The following MAPKAP1 variants were observed in gnomAD, a reference collection of about 807,000 sequenced individuals.
MAPKAP1 encodes the protein target of rapamycin complex 2 subunit MAPKAP1.
Under a neutral mutation model 65.7 loss-of-function variants are expected in MAPKAP1, and 20 were observed. That is an observed-to-expected ratio of 0.30 (90% CI 0.21 to 0.44). MAPKAP1 has a LOEUF of 0.44. Ranked by LOEUF, MAPKAP1 falls within the 20% of genes least tolerant of loss-of-function variation. MAPKAP1 has a pLI of 1.00. For missense variants in MAPKAP1, 423 were observed against 648.0 expected (o/e 0.65, Z 3.77); for synonymous variants, 222 against 244.3 (o/e 0.91, Z 0.85).
At chr9:125,688,623 G>A (rs1192141445) in intron 1 of MAPKAP1, among the ~76,000 whole-genome samples, 1 of 152,142 alleles carries the variant, frequency 6.6e-6, no homozygotes, top group Non-Finnish European at 1.5e-5. Flanking sequence ...CACTTTGGGA[G>A]GCAGAGATGG....
chr9:125,640,705 T>C (rs904709636), intron 4 of MAPKAP1, among the ~76,000 whole-genome samples: 1 of 152,208 alleles, frequency 6.6e-6, no homozygotes, highest in African/African-American at 2.4e-5. Context: ...AAAGGTAAGA[T>C]GATGCAGTCA....
At chr9:125,453,633 C>CT (rs1853047510) in intron 10 of MAPKAP1, among the ~76,000 whole-genome samples, 1 of 152,154 alleles carries the variant, frequency 6.6e-6, no homozygotes, top group Admixed American at 6.5e-5. Flanking sequence ...CATTAATAAA[C>CT]TTTTTTGTAT....
intron 7 of MAPKAP1, among the ~76,000 whole-genome samples, chr9:125,519,003 A>T (rs1379079026): frequency 6.6e-6 from 1 of 152,196 alleles, no homozygotes; most frequent in Non-Finnish European, 1.5e-5. Flanking sequence ...CATTATAAGT[A>T]TTACATTTAT....
intron 8 of MAPKAP1, among the ~76,000 whole-genome samples, chr9:125,492,175 T>C (rs1589233597): frequency 6.6e-6 from 1 of 152,160 alleles, no homozygotes; most frequent in Admixed American, 6.5e-5. Flanking sequence ...CACTCCATCC[T>C]GGGCGAGACC....
intron 10 of MAPKAP1, among the ~76,000 whole-genome samples, chr9:125,458,862 C>A: frequency 5.1e-5 from 2 of 39,586 alleles, no homozygotes; most frequent in African/African-American, 1.2e-4. Context: ...CCCCCTACCT[C>A]CCTCCCGGAC....
chr9:125,480,445 C>A (rs1854266122), intron 9 of MAPKAP1, among the ~76,000 whole-genome samples: 1 of 152,142 alleles, frequency 6.6e-6, no homozygotes, highest in Non-Finnish European at 1.5e-5. Flanking sequence ...GACGCCCCAG[C>A]CTCCAGTCGC....
intron 4 of MAPKAP1, among the ~76,000 whole-genome samples, chr9:125,656,927 A>C (rs1483185512): frequency 1.3e-5 from 2 of 152,148 alleles, no homozygotes; most frequent in Non-Finnish European, 2.9e-5. Flanking sequence ...AAGGAAAACA[A>C]ACACACTTTA....
chr9:125,506,989 T>C (rs1171827331), intron 7 of MAPKAP1, among the ~76,000 whole-genome samples: 1 of 152,206 alleles, frequency 6.6e-6, no homozygotes, highest in Non-Finnish European at 1.5e-5. Context: ...CTGGCATTCA[T>C]ATGTGGAAAA....
At position 125,698,312 on chromosome 9, in the gene MAPKAP1, TATATATATATATATATATATATATAA is replaced by T. The variant is rs1564622529; in HGVS notation, c.-70+8633_-70+8658del. On this transcript the variant is annotated intron_variant, in intron 1 of 11. Transcript: ENST00000265960. ...AAATATATATATATATATATATATA[TATATATATATATATATATATATATAA>T]AATATATATATTTTTTGAGATGGAG... 1.1e-3 allele frequency among the ~76,000 whole-genome samples: 49 copies of T among 46,492 alleles called. 4 individuals are homozygous for T. The South Asian group carries it at 0.024, about 22-fold the overall frequency. The allele number at this position is 46,492 out of a possible 152,430, so 30.5% of individuals were successfully genotyped here. A position where few individuals can be genotyped will look rare whatever the true frequency, so the allele number is the denominator to read the frequency against.
chr9:125,456,680 T>C (rs889164574), intron 10 of MAPKAP1, among the ~76,000 whole-genome samples: 4 of 152,232 alleles, frequency 2.6e-5, no homozygotes, highest in Non-Finnish European at 4.4e-5. Flanking sequence ...AAGCTTCTCT[T>C]TGGAGAACTG....
intron 7 of MAPKAP1, among the ~76,000 whole-genome samples, chr9:125,526,309 G>T (rs1829765958): frequency 6.6e-6 from 1 of 152,196 alleles, no homozygotes. Flanking sequence ...AATTTAGAAA[G>T]AAGTAAGAAT....
intron 4 of MAPKAP1, among the ~76,000 whole-genome samples, chr9:125,647,644 A>T (rs1833767033): frequency 6.6e-6 from 1 of 152,188 alleles, no homozygotes; most frequent in Admixed American, 6.5e-5. Context: ...CATTCATGTA[A>T]AGTATAGTTT....
rs138643906 is a variant in MAPKAP1 at position 125,680,775 on chromosome 9, G to C, written c.-69-8132C>G. ...AAGTTTACTTACAAACTTCAGCAGA[G>C]GAGCTGTGTCATATACATAGGGAAC... On this transcript the variant is annotated intron_variant, in intron 1 of 11. Transcript: ENST00000265960. Among the ~76,000 whole-genome samples the C allele has an allele frequency of 5.7e-4, 87 of 152,276 alleles. 2 individuals are homozygous for C. The East Asian group carries it at 0.015, about 27-fold the overall frequency.
chr9:125,528,452 G>A lies in MAPKAP1; in HGVS notation c.958+14607C>T, dbSNP rs570104009. Among the ~76,000 whole-genome samples the A allele has an allele frequency of 3.9e-5, 6 of 152,328 alleles. No homozygotes were observed. The South Asian group carries it at 8.3e-4, about 21-fold the overall frequency. On this transcript the variant is annotated intron_variant, in intron 7 of 11. Transcript: ENST00000265960. ...GCCCAATTAGGAGATGCGTGGAAACGAGTGGAAAGAATGAAGTTATGCCTG... is the reference window on the plus strand; with the variant it reads ...GCCCAATTAGGAGATGCGTGGAAACAAGTGGAAAGAATGAAGTTATGCCTG...
intron 4 of MAPKAP1, among the ~76,000 whole-genome samples, chr9:125,590,796 AAC>A (rs1272048576): frequency 6.6e-6 from 1 of 151,532 alleles, no homozygotes; most frequent in Non-Finnish European, 1.5e-5. Context: ...TTTTTTTTTA[AAC>A]AGTCTCGCTC....
At position 125,623,029 on chromosome 9, in the gene MAPKAP1, C is replaced by G. The variant is rs376072462; in HGVS notation, c.498+34622G>C. On this transcript the variant is annotated intron_variant, in intron 4 of 11. Transcript: ENST00000265960. ...GCCGGGCCGGTCTCCAGCCCCTAAC[C>G]GCGAGTGATCCGCCAACCTCGGCCT... 2.0e-5 allele frequency among the ~76,000 whole-genome samples: 3 copies of G among 151,744 alleles called. No individual in the cohort carries two copies. The East Asian group carries it at 6.0e-4, about 30-fold the overall frequency.
At chr9:125,693,685 A>G (rs1835268562) in intron 1 of MAPKAP1, among the ~76,000 whole-genome samples, 1 of 128,312 alleles carries the variant, frequency 7.8e-6, no homozygotes, top group Non-Finnish European at 1.7e-5. Context: ...GTATATATAC[A>G]CGTATATATA....
Position 125,595,667 on chromosome 9 carries a change from C to T in MAPKAP1, c.499-9940G>A, listed in dbSNP as rs933725114. The T allele has an allele frequency of 9.9e-6, 15 of 1,508,826 alleles. No homozygotes were observed. The highest frequency in any genetic ancestry group is 7.3e-5 in the East Asian group (3 of 41,372). 93.5% of individuals were successfully genotyped at this position (1,508,826 alleles called of 1,614,324 possible). ...TCGTTAAAGTCTCTCTTCTCCCTGC[C>T]GTCCTAAGTCAGAGTCTCCTAAAGA... On this transcript the variant is annotated intron_variant, in intron 4 of 11. Coordinates refer to ENST00000265960, the MANE Select transcript of MAPKAP1 (RefSeq NM_001006617.3). This position sits in a 1 kb window ranked among gnomAD's most constrained non-coding sequence, Gnocchi z 4.0.
At chr9:125,665,844 T>C (rs983153618) in intron 3 of MAPKAP1, among the ~76,000 whole-genome samples, 7 of 152,210 alleles carry the variant, frequency 4.6e-5, no homozygotes, top group East Asian at 1.9e-4. Flanking sequence ...TTCAGGTACA[T>C]GTAAATAATT....
Sources: allele counts gnomAD v4.1 joint callset (sites outside exome capture counted in the v4.1 genomes callset), GRCh38; gene constraint gnomAD v4.1.1; non-coding constraint Gnocchi (gnomAD v3.1); transcripts MANE v1.5; gene names NCBI Gene and HGNC (gene_info 2026-07-23, HGNC 2026-07-21).